Variants in PARP11 observed in about 807,000 individuals in gnomAD.
PARP11 encodes poly(ADP-ribose) polymerase family member 11.
A neutral mutation model predicts 42.9 loss-of-function variants in PARP11; 31 were observed. That is an observed-to-expected ratio of 0.72 (90% CI 0.54 to 0.98). The LOEUF (loss-of-function observed/expected upper bound fraction) is 0.98. PARP11 is among the 50% of genes least tolerant of loss of function. The pLI is 0.00. For synonymous variants in PARP11, 137 were observed against 127.3 expected (o/e 1.08, Z -0.51); for missense variants, 365 against 413.1 (o/e 0.88, Z 1.01).
At chr12:3,832,482 C>G (rs1947663972) in intron 1 of PARP11, among the ~76,000 whole-genome samples, 1 of 152,188 alleles carries the variant, frequency 6.6e-6, no homozygotes, top group African/African-American at 2.4e-5. Flanking sequence ...CACACATGGA[C>G]AGTTATTTCT....
chr12:3,839,273 C>T (rs947613903), intron 1 of PARP11, among the ~76,000 whole-genome samples: 3 of 151,454 alleles, frequency 2.0e-5, no homozygotes, highest in African/African-American at 7.3e-5. Flanking sequence ...GGCTAGCCCT[C>T]GCGCCTGGCC....
chr12:3,841,358 T>G lies in PARP11; in HGVS notation c.19-11340A>C, dbSNP rs1402123251. On this transcript the variant is annotated intron_variant, in intron 1 of 7. Coordinates refer to ENST00000228820, the MANE Select transcript of PARP11 (RefSeq NM_020367.6). ...CTGTACCCTCTGCACCAGGCCTACC[T>G]GGCAGCCTGCAGGATGTACCCAAAG... 51 of 1,292,974 alleles carry G rather than the reference T, an allele frequency of 3.9e-5. No homozygotes were observed. In the Admixed American group the frequency reaches 8.6e-4, roughly 22 times the overall value. The allele number at this position is 1,292,974 out of a possible 1,614,324, so 80.1% of individuals were successfully genotyped here. A position where few individuals can be genotyped will look rare whatever the true frequency, so the allele number is the denominator to read the frequency against.
chr12:3,820,421 C>G (rs1947369854), intron 6 of PARP11, among the ~76,000 whole-genome samples: 2 of 152,194 alleles, frequency 1.3e-5, no homozygotes, highest in Admixed American at 1.3e-4. Flanking sequence ...TGGCAGGTGG[C>G]AGGTTCACTT....
At chr12:3,829,376 A>C (rs955800797) in intron 2 of PARP11, among the ~76,000 whole-genome samples, 7 of 152,204 alleles carry the variant, frequency 4.6e-5, no homozygotes, top group African/African-American at 1.7e-4. Context: ...TAGTAGAGTA[A>C]AAAAAAGACT....
At position 3,830,805 on chromosome 12, in the gene PARP11, C is replaced by T. The variant is rs563110797; in HGVS notation, c.19-787G>A. Among the ~76,000 whole-genome samples the T allele has an allele frequency of 8.4e-4, 128 of 152,296 alleles. 1 individual carries two copies. The highest frequency in any genetic ancestry group is 2.8e-3 in the African/African-American group (117 of 41,576). On this transcript the variant is annotated intron_variant, in intron 1 of 7. Coordinates refer to ENST00000228820, the MANE Select transcript of PARP11 (RefSeq NM_020367.6). ...ACTAAGGCATAGAGAGGTCATACAA[C>T]AAGGAAGTCAAGATTCAAACCCAAC...
chr12:3,837,770 C>A (rs899368877), intron 1 of PARP11, among the ~76,000 whole-genome samples: 3 of 151,158 alleles, frequency 2.0e-5, no homozygotes, highest in African/African-American at 7.3e-5. Context: ...ATGTTCCACG[C>A]AATTGGAAAA....
chr12:3,839,820 TGA>T, intron 1 of PARP11: 1 of 1,148,478 alleles, frequency 8.7e-7, no homozygotes, highest in Non-Finnish European at 1.3e-6. Context: ...AATTGCTGTA[TGA>T]GAAGGTATTT....
intron 1 of PARP11, among the ~76,000 whole-genome samples, chr12:3,838,601 T>C (rs990884588): frequency 1.3e-5 from 2 of 151,934 alleles, no homozygotes; most frequent in Non-Finnish European, 2.9e-5. Flanking sequence ...AAATAATAAA[T>C]ACCAGAGCAT....
chr12:3,842,410 A>C (rs1947909131), intron 1 of PARP11: 1 of 1,610,152 alleles, frequency 6.2e-7, no homozygotes, highest in South Asian at 1.1e-5. Context: ...GCCAAGCAGA[A>C]GTCGGGATGA....
chr12:3,844,719 T>C (rs1947963972), intron 1 of PARP11, among the ~76,000 whole-genome samples: 2 of 152,232 alleles, frequency 1.3e-5, no homozygotes. Flanking sequence ...TAGGATATGA[T>C]GGAAGAAGTG....
In PARP11 at chr12:3,841,288, G is replaced by A. The variant is rs1947884830; in HGVS notation, c.19-11270C>T. ...TATTCTTCGATTCTTCTTCAATCTTGGTGTGAAGGCATACAGTTGTCCTGT... is the reference window on the plus strand; with the variant it reads ...TATTCTTCGATTCTTCTTCAATCTTAGTGTGAAGGCATACAGTTGTCCTGT... On this transcript the variant is annotated intron_variant, in intron 1 of 7. Coordinates refer to ENST00000228820, the MANE Select transcript of PARP11 (RefSeq NM_020367.6). 3.1e-6 allele frequency: 4 copies of A among 1,292,596 alleles called. No individual in the cohort carries two copies. In the South Asian group the frequency reaches 4.7e-5, roughly 15 times the overall value. The allele number at this position is 1,292,596 out of a possible 1,614,324, so 80.1% of individuals were successfully genotyped here.
intron 1 of PARP11, 77 bp from the exon 2 acceptor site, chr12:3,830,095 C>A (rs1384154027): frequency 2.9e-6 from 4 of 1,365,688 alleles, no homozygotes; most frequent in Non-Finnish European, 3.1e-6. Flanking sequence ...CATTTTACTT[C>A]TTTACAAAGA....
At chr12:3,852,103 A>G (rs1425373238) in intron 1 of PARP11, among the ~76,000 whole-genome samples, 1 of 152,226 alleles carries the variant, frequency 6.6e-6, no homozygotes, top group Admixed American at 6.5e-5. Flanking sequence ...AACAAAAAGG[A>G]TATTCACACC....
chr12:3,819,421 T>C (rs1439907596), intron 6 of PARP11, among the ~76,000 whole-genome samples: 1 of 152,164 alleles, frequency 6.6e-6, no homozygotes, highest in Admixed American at 6.5e-5. Context: ...GCTTCTTCTT[T>C]GTTGTGTCAT....
At chr12:3,851,586 T>C (rs148532530) in intron 1 of PARP11, among the ~76,000 whole-genome samples, 1,845 of 152,190 alleles carry the variant, frequency 0.012, 43 homozygotes, top group African/African-American at 0.042. Context: ...GAGGCTTGAG[T>C]AGGTAAACAA....
chr12:3,839,058 G>A (rs1296651692), intron 1 of PARP11, among the ~76,000 whole-genome samples: 2 of 152,098 alleles, frequency 1.3e-5, no homozygotes, highest in African/African-American at 2.4e-5. Flanking sequence ...TTTGTCGTGG[G>A]CGCGTGTTCG....
chr12:3,824,348 C>A (rs1046162063), intron 4 of PARP11, among the ~76,000 whole-genome samples: 1 of 152,106 alleles, frequency 6.6e-6, no homozygotes, highest in African/African-American at 2.4e-5. Flanking sequence ...AATATTTCCC[C>A]AATTTTCTGT....
chr12:3,835,940 T>A (rs1020103056), intron 1 of PARP11, among the ~76,000 whole-genome samples: 2 of 151,808 alleles, frequency 1.3e-5, no homozygotes, highest in African/African-American at 4.8e-5. Flanking sequence ...AACTACAGTA[T>A]CAGAAGCGGA....
intron 1 of PARP11, among the ~76,000 whole-genome samples, chr12:3,835,351 G>C (rs948546005): frequency 4.0e-5 from 6 of 150,060 alleles, no homozygotes; most frequent in Non-Finnish European, 7.4e-5. Context: ...GGACTTTACA[G>C]AATTTGTTCA....
Sources: allele counts gnomAD v4.1 joint callset (sites outside exome capture counted in the v4.1 genomes callset), GRCh38; gene constraint gnomAD v4.1.1; transcripts MANE v1.5; gene names NCBI Gene and HGNC (gene_info 2026-07-23, HGNC 2026-07-21).